The following SLC6A7 variants were observed in gnomAD, a reference collection of about 807,000 sequenced individuals.
The protein encoded by SLC6A7 is sodium-dependent proline transporter.
SLC6A7 carries 58 observed loss-of-function variants against 73.1 expected under a neutral mutation model. That is an observed-to-expected ratio of 0.79 (90% confidence interval 0.64 to 0.99). The LOEUF (loss-of-function observed/expected upper bound fraction) is 0.99. SLC6A7 is among the 50% of genes least tolerant of loss of function. The pLI is 0.00. For synonymous variants in SLC6A7, 338 were observed against 338.7 expected (o/e 1.00, Z 0.02); for missense variants, 783 against 831.4 (o/e 0.94, Z 0.72).
intron 2 of SLC6A7, among the ~76,000 whole-genome samples, chr5:150,195,764 G>C (rs1752988467): frequency 6.6e-6 from 1 of 152,232 alleles, no homozygotes; most frequent in Admixed American, 6.5e-5. Flanking sequence ...ATGAAGCAAA[G>C]AAAGGATAAA....
intron 12 of SLC6A7, 26 bp downstream of exon 12, chr5:150,204,953 C>T (rs1434384757): frequency 1.5e-6 from 2 of 1,325,782 alleles, no homozygotes; most frequent in Admixed American, 1.7e-5. Context: ...GGGAGGGTTT[C>T]TGGCTGGGGC....
chr5:150,197,371 A>C (rs1753089786), intron 4 of SLC6A7, 95 bp downstream of exon 4: 1 of 773,396 alleles, frequency 1.3e-6, no homozygotes, highest in African/African-American at 1.8e-5. Flanking sequence ...TGTACCGCCA[A>C]GATGAGCTCA....
In SLC6A7 at chr5:150,204,019, G is replaced by A. The variant is rs753589135; in HGVS notation, c.1313G>A (p.Gly438Glu). 2.5e-6 allele frequency: 4 copies of A among 1,613,450 alleles called. No homozygotes were observed. The Admixed American group carries it at 6.7e-5, about 27-fold the overall frequency. The change falls in exon 10 of 14, where the codon GGG becomes GAG. Residue 438 changes from glycine (G) to glutamate (E), a missense_variant. Transcript: ENST00000230671. Reference protein sequence around the residue: ...GLICVAMYLMGLILTTDGGMY... With the variant: ...GLICVAMYLMELILTTDGGMY... ...ATCTGCGTGGCCATGTACCTGATGG[G>A]GCTGATCCTCACCACTGATGTGAGT...
rs909521808 is a variant in SLC6A7, at chr5:150,208,812, C to T, written c.1702-594C>T. On this transcript the variant is annotated intron_variant, in intron 13 of 13. Coordinates refer to ENST00000230671, the MANE Select transcript of SLC6A7 (RefSeq NM_014228.5). ...GGCTTAGTCATTATCTTAGTCACCC[C>T]GACTCCGTCCATGGAAACTGGGGCT... Among the ~76,000 whole-genome samples, 80 of 152,144 alleles carry T rather than the reference C, an allele frequency of 5.3e-4. 1 individual carries two copies. Among genetic ancestry groups the T allele is most frequent in the Non-Finnish European group, 2.5e-4 (17 of 68,028 alleles).
chr5:150,190,972 TG>T (rs1377479056), intron 1 of SLC6A7, among the ~76,000 whole-genome samples: 1 of 152,142 alleles, frequency 6.6e-6, no homozygotes, highest in African/African-American at 2.4e-5. Flanking sequence ...GAAGCTGGTA[TG>T]GGAGAGTGGC....
intron 8 of SLC6A7, among the ~76,000 whole-genome samples, chr5:150,203,014 C>G (rs903521716): frequency 4.0e-5 from 6 of 150,170 alleles, no homozygotes; most frequent in African/African-American, 1.5e-4. Context: ...GTGGAGGTTG[C>G]AATGAGCCAA....
chr5:150,197,293 C>A lies in SLC6A7; in HGVS notation c.584+17C>A, dbSNP rs148958639. ...GTACTGGAGGTCAGGCAGCTGCTGG[C>A]CCCGCGGCATCTGAGGGGACCCTGC... On this transcript the variant is annotated intron_variant, in intron 4 of 13. Transcript: ENST00000230671. The A allele has an allele frequency of 5.2e-6, 8 of 1,547,104 alleles. No homozygotes were observed. The highest frequency in any genetic ancestry group is 1.7e-4 in the Middle Eastern group (1 of 5,862).
chr5:150,198,822 G>GTT (rs1554115806), intron 4 of SLC6A7, among the ~76,000 whole-genome samples: 1 of 143,552 alleles, frequency 7.0e-6, no homozygotes, highest in Non-Finnish European at 1.5e-5. Context: ...GTGTGTGTGT[G>GTT]TGTGTGTGTG....
intron 1 of SLC6A7, among the ~76,000 whole-genome samples, chr5:150,192,372 G>A (rs991346925): frequency 2.0e-5 from 3 of 152,280 alleles, no homozygotes; most frequent in South Asian, 4.1e-4. Flanking sequence ...CCCTAAAGGC[G>A]AGCATGCAGG....
Position 150,197,292 on chromosome 5 carries a change from G to T in SLC6A7, c.584+16G>T. ...AGTACTGGAGGTCAGGCAGCTGCTG[G>T]CCCCGCGGCATCTGAGGGGACCCTG... On this transcript the variant is annotated intron_variant, in intron 4 of 13. Transcript: ENST00000230671. The T allele has an allele frequency of 1.3e-6, 2 of 1,555,074 alleles. No individual in the cohort carries two copies.
At chr5:150,197,308 G>A in intron 4 of SLC6A7, 32 bp downstream of exon 4, 1 of 1,463,754 alleles carries the variant, frequency 6.8e-7, no homozygotes, top group Non-Finnish European at 9.4e-7. Context: ...CGGCATCTGA[G>A]GGGACCCTGC....
chr5:150,190,692 C>T (rs1752741316), intron 1 of SLC6A7, among the ~76,000 whole-genome samples: 1 of 152,164 alleles, frequency 6.6e-6, no homozygotes, highest in Admixed American at 6.5e-5. Flanking sequence ...CCCTGCTGCT[C>T]CCCGCCAGGA....
At chr5:150,201,021 G>A (rs1476157447) in intron 5 of SLC6A7, 68 bp from the exon 6 acceptor site, 52 of 1,556,330 alleles carry the variant, frequency 3.3e-5, no homozygotes, top group Non-Finnish European at 4.5e-5. Flanking sequence ...TGACACAGAT[G>A]AGTTTACAAG....
At chr5:150,190,657 G>C (rs1752738344) in intron 1 of SLC6A7, among the ~76,000 whole-genome samples, 1 of 152,202 alleles carries the variant, frequency 6.6e-6, no homozygotes, top group African/African-American at 2.4e-5. Context: ...GCCGGGGCCA[G>C]GCACCCACCT....
chr5:150,204,931 A>T lies in SLC6A7; in HGVS notation c.1533+4A>T. ...CCTGTCCCCAGCCACGCTCTTGGTA[A>T]CTGGGGAGGGCGGGAGGGTTTCTGG... On this transcript the variant is annotated splice_donor_region_variant and intron_variant, in intron 12 of 13. Coordinates refer to ENST00000230671, the MANE Select transcript of SLC6A7 (RefSeq NM_014228.5). 1 of 852,044 alleles carries T rather than the reference A, an allele frequency of 1.2e-6. No homozygotes were observed. Among genetic ancestry groups the T allele is most frequent in the Non-Finnish European group, 1.9e-6 (1 of 520,710 alleles). The allele number at this position is 852,044 out of a possible 1,614,324, so 52.8% of individuals were successfully genotyped here.
At chr5:150,193,186 C>A (rs555253899) in intron 1 of SLC6A7, among the ~76,000 whole-genome samples, 1 of 152,222 alleles carries the variant, frequency 6.6e-6, no homozygotes, top group Non-Finnish European at 1.5e-5. Context: ...GTTCCTGTCA[C>A]CACGGCCCCT....
chr5:150,201,193 C>T lies in SLC6A7; in HGVS notation c.828C>T (p.Thr276=), dbSNP rs1439209359. The change falls in exon 6 of 14, where the codon ACC becomes ACT. Residue 276 remains threonine (T), a synonymous_variant. Coordinates refer to ENST00000230671, the MANE Select transcript of SLC6A7 (RefSeq NM_014228.5). ...GAWKGIQFYL[T]PQFHHLLSSK... ...GGAAGGGCATCCAGTTCTATCTCAC[C>T]CCCCAGTTCCACCACTTGTTGTCTT... The T allele has an allele frequency of 1.2e-6, 2 of 1,612,944 alleles. No homozygotes were observed. Among genetic ancestry groups the T allele is most frequent in the African/African-American group, 2.7e-5 (2 of 74,890 alleles).
rs547625646 is a variant in SLC6A7 at position 150,190,931 on chromosome 5, C to G, written c.33+571C>G. Among the ~76,000 whole-genome samples, 73 of 152,270 alleles carry G rather than the reference C, an allele frequency of 4.8e-4. No individual in the cohort carries two copies. In the Middle Eastern group the frequency reaches 0.01, roughly 21 times the overall value. On this transcript the variant is annotated intron_variant, in intron 1 of 13. Coordinates refer to ENST00000230671, the MANE Select transcript of SLC6A7 (RefSeq NM_014228.5). Reference sequence around the variant, plus strand: ...GAGGCAAAGACAGGGAGGGGGCTATCGGAGGCAGGAGGATATGATCAATGA... The same window carrying G: ...GAGGCAAAGACAGGGAGGGGGCTATGGGAGGCAGGAGGATATGATCAATGA...
chr5:150,207,306 G>A (rs1269188655), intron 13 of SLC6A7, among the ~76,000 whole-genome samples: 2 of 151,878 alleles, frequency 1.3e-5, no homozygotes, highest in Non-Finnish European at 2.9e-5. Context: ...CCCAGGCTGG[G>A]GTGCAGTGAC....
Sources: allele counts gnomAD v4.1 joint callset (sites outside exome capture counted in the v4.1 genomes callset), GRCh38; gene constraint gnomAD v4.1.1; transcripts MANE v1.5; gene names NCBI Gene and HGNC (gene_info 2026-07-23, HGNC 2026-07-21).